Variants in KCNIP1 observed in about 807,000 individuals in gnomAD.
KCNIP1 encodes the protein potassium voltage-gated channel interacting protein 1.
In KCNIP1, 18 loss-of-function variants were observed where a neutral mutation model predicts 33.0. The ratio of observed to expected loss-of-function variants is 0.55; its 90% confidence interval spans 0.38 to 0.81. KCNIP1 has a LOEUF of 0.81. KCNIP1 is among the 30% of genes least tolerant of loss of function. The pLI is 0.00. For synonymous variants in KCNIP1, 93 were observed against 98.3 expected (o/e 0.95, Z 0.32); for missense variants, 238 against 271.6 (o/e 0.88, Z 0.87).
chr5:170,389,818 A>C (rs1764644031), intron 1 of KCNIP1: 1 of 151,982 alleles, frequency 6.6e-6, no homozygotes, highest in African/African-American at 2.4e-5. Flanking sequence ...AAGTTATGGC[A>C]CCTCTCTGGG....
chr5:170,589,324 A>G (rs1758120062), intron 1 of KCNIP1, among the ~76,000 whole-genome samples: 1 of 152,200 alleles, frequency 6.6e-6, no homozygotes. Flanking sequence ...TCATGTTAGC[A>G]TTAGCATAGT....
upstream of KCNIP1, among the ~76,000 whole-genome samples, chr5:170,503,520 C>T (rs75830690): frequency 3.2e-4 from 49 of 152,148 alleles, no homozygotes; most frequent in African/African-American, 1.1e-3. Flanking sequence ...TCTGCAGAAC[C>T]CTCAAGGACC....
chr5:170,392,891 A>G (rs1754644990), intron 1 of KCNIP1, among the ~76,000 whole-genome samples: 1 of 152,238 alleles, frequency 6.6e-6, no homozygotes, highest in African/African-American at 2.4e-5. Flanking sequence ...CACAAATGGA[A>G]TAGAAGGGCA....
intron 1 of KCNIP1, among the ~76,000 whole-genome samples, chr5:170,392,690 G>T (rs1304576617): frequency 6.6e-6 from 1 of 152,168 alleles, no homozygotes; most frequent in Admixed American, 6.5e-5. Flanking sequence ...GGGCACGATG[G>T]CAGGTGCCTA....
intron 1 of KCNIP1, among the ~76,000 whole-genome samples, chr5:170,621,872 AGAG>A (rs1051294837): frequency 3.3e-5 from 5 of 152,148 alleles, no homozygotes; most frequent in African/African-American, 9.7e-5. Flanking sequence ...CCCAGAAATG[AGAG>A]GAGAAGAGAG....
At chr5:170,577,233 G>A (rs911632886) in intron 1 of KCNIP1, among the ~76,000 whole-genome samples, 1 of 152,178 alleles carries the variant, frequency 6.6e-6, no homozygotes. Context: ...CAAGCATATT[G>A]CTCCCAGCAG....
chr5:170,368,553 G>A (rs1451833531), intron 1 of KCNIP1, among the ~76,000 whole-genome samples: 4 of 152,110 alleles, frequency 2.6e-5, no homozygotes, highest in African/African-American at 9.7e-5. Context: ...GTGAGCCACC[G>A]TGCCCGGCCT....
intron 1 of KCNIP1, among the ~76,000 whole-genome samples, chr5:170,454,639 T>C (rs1756331778): frequency 1.3e-5 from 2 of 152,232 alleles, no homozygotes; most frequent in Admixed American, 1.3e-4. Context: ...CTGGTAAAAC[T>C]ATGAAATGTT....
At chr5:170,466,760 G>A (rs116615078) in intron 1 of KCNIP1, among the ~76,000 whole-genome samples, 1,834 of 152,232 alleles carry the variant, frequency 0.012, 14 homozygotes, top group Admixed American at 0.018. Flanking sequence ...TTATGAGGAC[G>A]CTAATCCCAT....
chr5:170,450,291 C>T (rs1756218356), intron 1 of KCNIP1, among the ~76,000 whole-genome samples: 1 of 152,180 alleles, frequency 6.6e-6, no homozygotes, highest in Non-Finnish European at 1.5e-5. Flanking sequence ...GGCCCAGTCC[C>T]TTAGCCGTGC....
intron 5 of KCNIP1, among the ~76,000 whole-genome samples, chr5:170,727,520 A>G (rs1303703269): frequency 6.6e-6 from 1 of 152,242 alleles, no homozygotes; most frequent in East Asian, 1.9e-4. Context: ...GTGCCTAACC[A>G]ATAGAAGACA....
intron 1 of KCNIP1, among the ~76,000 whole-genome samples, chr5:170,431,447 G>A (rs1254224569): frequency 3.9e-5 from 6 of 152,160 alleles, no homozygotes; most frequent in Admixed American, 3.9e-4. Flanking sequence ...GGGATTTTAG[G>A]TGGTGGTGAG....
chr5:170,361,227 G>T (rs1763504728), intron 1 of KCNIP1, among the ~76,000 whole-genome samples: 1 of 152,230 alleles, frequency 6.6e-6, no homozygotes, highest in Non-Finnish European at 1.5e-5. Flanking sequence ...TGAAAGGCAG[G>T]CAGCAGGGGA....
chr5:170,555,187 T>C (rs139089629), intron 1 of KCNIP1, among the ~76,000 whole-genome samples: 304 of 152,160 alleles, frequency 2.0e-3, no homozygotes, highest in African/African-American at 7.1e-3. Flanking sequence ...AGCTCAGCCA[T>C]TACTCAGGAG....
At chr5:170,652,290 C>T (rs1381839004) in intron 1 of KCNIP1, among the ~76,000 whole-genome samples, 2 of 151,786 alleles carry the variant, frequency 1.3e-5, no homozygotes, top group Non-Finnish European at 2.9e-5. Context: ...TCAAGACTAG[C>T]CTGGGCAACA....
chr5:170,378,603 A>G, intron 1 of KCNIP1: 1 of 1,214,014 alleles, frequency 8.2e-7, no homozygotes, highest in East Asian at 2.3e-5. Context: ...GAAGAGTGGG[A>G]GGGCAGGTGG....
intron 1 of KCNIP1, among the ~76,000 whole-genome samples, chr5:170,466,178 T>TAG (rs1387992889): frequency 6.6e-6 from 1 of 151,814 alleles, no homozygotes; most frequent in African/African-American, 2.4e-5. Context: ...ATGCATGGGG[T>TAG]AGAGAGAGAG....
At chr5:170,487,628 C>T (rs1757126248) in intron 1 of KCNIP1, among the ~76,000 whole-genome samples, 1 of 151,636 alleles carries the variant, frequency 6.6e-6, no homozygotes, top group Non-Finnish European at 1.5e-5. Context: ...TTCAAGCAAT[C>T]CTCCCACCTC....
intron 1 of KCNIP1, among the ~76,000 whole-genome samples, chr5:170,585,437 G>A (rs1416749679): frequency 1.3e-5 from 2 of 152,138 alleles, no homozygotes; most frequent in Non-Finnish European, 2.9e-5. Context: ...ACATTCCACT[G>A]TATTTTCCCC....
Sources: allele counts gnomAD v4.1 joint callset (sites outside exome capture counted in the v4.1 genomes callset), GRCh38; gene constraint gnomAD v4.1.1; transcripts MANE v1.5; gene names NCBI Gene and HGNC (gene_info 2026-07-23, HGNC 2026-07-21).